Variants in SLC24A4 observed in about 807,000 individuals in gnomAD.
The protein encoded by SLC24A4 is solute carrier family 24 member 4, also known as sodium/potassium/calcium exchanger 4.
A neutral mutation model predicts 79.0 loss-of-function variants in SLC24A4; 53 were observed. That is an observed-to-expected ratio of 0.67 (90% CI 0.54 to 0.84). The LOEUF (loss-of-function observed/expected upper bound fraction) is 0.84. SLC24A4 is among the 40% of genes least tolerant of loss of function. The pLI is 0.00. For missense variants in SLC24A4, 731 were observed against 822.0 expected, an observed-to-expected ratio of 0.89 and a Z score of 1.35; for synonymous variants, 323 against 323.8, an observed-to-expected ratio of 1.00 and a Z score of 0.03.
At position 92,353,353 on chromosome 14, in the gene SLC24A4, G is replaced by A. The variant is rs1886993699; in HGVS notation, c.241+27375G>A. Among the ~76,000 whole-genome samples the A allele has an allele frequency of 6.6e-6, 1 of 152,210 alleles. No individual in the cohort carries two copies. Among genetic ancestry groups the A allele is most frequent in the South Asian group, 2.1e-4 (1 of 4,836 alleles). On this transcript the variant is annotated intron_variant, in intron 2 of 16. Coordinates refer to ENST00000532405, the MANE Select transcript of SLC24A4 (RefSeq NM_153646.4). The surrounding 1 kb of genome is among the most constrained non-coding windows in gnomAD (Gnocchi z 4.1). Reference sequence around the variant, plus strand: ...TCTATTTAACTCATTCCCTAATGATGTATATGCATTTAGTTTATTGTTGTA... The same window carrying A: ...TCTATTTAACTCATTCCCTAATGATATATATGCATTTAGTTTATTGTTGTA...
chr14:92,396,777 C>G (rs1032463998), intron 2 of SLC24A4, among the ~76,000 whole-genome samples: 1 of 152,164 alleles, frequency 6.6e-6, no homozygotes, highest in South Asian at 2.1e-4. Context: ...TAGTCCGCAT[C>G]CTTTTTGTGT....
chr14:92,379,041 A>G (rs1249828258), intron 2 of SLC24A4, among the ~76,000 whole-genome samples: 2 of 152,156 alleles, frequency 1.3e-5, no homozygotes, highest in Non-Finnish European at 2.9e-5. Context: ...CAGTCTGGAC[A>G]ACAGTGGGAG....
chr14:92,418,764 T>G (rs1392212210), intron 2 of SLC24A4, among the ~76,000 whole-genome samples: 1 of 152,172 alleles, frequency 6.6e-6, no homozygotes, highest in African/African-American at 2.4e-5. Flanking sequence ...TGCAGTGGCG[T>G]GATCTCGGCT....
At chr14:92,367,224 T>C (rs1021392052) in intron 2 of SLC24A4, among the ~76,000 whole-genome samples, 1 of 152,174 alleles carries the variant, frequency 6.6e-6, no homozygotes, top group Non-Finnish European at 1.5e-5. Context: ...CGGCCTGAGC[T>C]CTGCGCTGTT....
At chr14:92,443,718 G>A (rs957350536) in intron 7 of SLC24A4, among the ~76,000 whole-genome samples, 1 of 152,216 alleles carries the variant, frequency 6.6e-6, no homozygotes, top group Non-Finnish European at 1.5e-5. Context: ...ATAAATCTTT[G>A]TCTCAAACTG....
intron 2 of SLC24A4, among the ~76,000 whole-genome samples, chr14:92,376,199 T>A (rs1888491413): frequency 6.6e-6 from 1 of 152,174 alleles, no homozygotes; most frequent in Admixed American, 6.5e-5. Flanking sequence ...TGGCAAGCTT[T>A]GTGATGCTGG....
intron 2 of SLC24A4, among the ~76,000 whole-genome samples, chr14:92,366,743 TGAG>T (rs1887862260): frequency 6.6e-6 from 1 of 152,224 alleles, no homozygotes; most frequent in African/African-American, 2.4e-5. Flanking sequence ...GGCTGGATAA[TGAG>T]GAGCATGGGG....
chr14:92,423,009 C>T (rs1224868470), intron 2 of SLC24A4, among the ~76,000 whole-genome samples: 1 of 152,168 alleles, frequency 6.6e-6, no homozygotes. Context: ...CAGGCTTTTG[C>T]CATGTTGTCC....
intron 2 of SLC24A4, among the ~76,000 whole-genome samples, chr14:92,347,232 C>T (rs1202571058): frequency 6.6e-6 from 1 of 152,182 alleles, no homozygotes; most frequent in African/African-American, 2.4e-5. Context: ...GTAATACAAT[C>T]TTGATCCCAT....
At chr14:92,430,866 G>A (rs935732980) in intron 2 of SLC24A4, among the ~76,000 whole-genome samples, 14 of 152,188 alleles carry the variant, frequency 9.2e-5, no homozygotes, top group African/African-American at 2.9e-4. Flanking sequence ...GACCTCAAAA[G>A]CCGTGTGTAT....
intron 2 of SLC24A4, among the ~76,000 whole-genome samples, chr14:92,369,640 A>G (rs1386212176): frequency 6.6e-6 from 1 of 152,252 alleles, no homozygotes; most frequent in African/African-American, 2.4e-5. Context: ...GTCGACAGTC[A>G]TAATAGTGTG....
At position 92,461,378 on chromosome 14, in the gene SLC24A4, G is replaced by T. The variant is rs531632334; in HGVS notation, c.1255+4770G>T. Among the ~76,000 whole-genome samples the T allele has an allele frequency of 7.2e-5, 11 of 152,276 alleles. No individual in the cohort carries two copies. The East Asian group carries it at 1.7e-3, about 24-fold the overall frequency. On this transcript the variant is annotated intron_variant, in intron 12 of 16. Transcript: ENST00000532405. ...GTAATTCTTATATTAGTCAGCTCAG[G>T]CCGTCCTAACAGAATGTCACCGACG...
chr14:92,334,731 A>G (rs545169649), intron 2 of SLC24A4, among the ~76,000 whole-genome samples: 1 of 152,266 alleles, frequency 6.6e-6, no homozygotes, highest in African/African-American at 2.4e-5. Flanking sequence ...GACAAGTTAC[A>G]TAATCTTGCT....
chr14:92,339,290 C>T (rs111347594), intron 2 of SLC24A4, among the ~76,000 whole-genome samples: 2 of 152,078 alleles, frequency 1.3e-5, no homozygotes, highest in Admixed American at 6.5e-5. Flanking sequence ...GTTAAGTCCC[C>T]GATGTCAAAA....
At chr14:92,439,690 C>G (rs1892384111) in intron 4 of SLC24A4, among the ~76,000 whole-genome samples, 1 of 152,254 alleles carries the variant, frequency 6.6e-6, no homozygotes, top group Admixed American at 6.5e-5. Context: ...GCACTTGTGT[C>G]CAACCTGGCT....
intron 2 of SLC24A4, among the ~76,000 whole-genome samples, chr14:92,392,645 T>C (rs1330315490): frequency 1.3e-5 from 2 of 152,240 alleles, no homozygotes. Context: ...TGCCTTGCTA[T>C]GGTCTGAATG....
intron 2 of SLC24A4, among the ~76,000 whole-genome samples, chr14:92,385,264 C>T (rs373088718): frequency 1.3e-5 from 2 of 152,042 alleles, no homozygotes; most frequent in African/African-American, 2.4e-5. Context: ...CCCAGCACTT[C>T]GGGAGGCTGA....
At chr14:92,463,006 T>C (rs1357554350) in intron 12 of SLC24A4, among the ~76,000 whole-genome samples, 1 of 152,142 alleles carries the variant, frequency 6.6e-6, no homozygotes, top group Non-Finnish European at 1.5e-5. Context: ...GTGTGCAGGG[T>C]GCTAAATAAT....
At chr14:92,351,714 A>T (rs1002987966) in intron 2 of SLC24A4, among the ~76,000 whole-genome samples, 1 of 151,872 alleles carries the variant, frequency 6.6e-6, no homozygotes, top group African/African-American at 2.4e-5. Flanking sequence ...GAAAAAAAAA[A>T]TTACCCAGGT....
Sources: allele counts gnomAD v4.1 joint callset (sites outside exome capture counted in the v4.1 genomes callset), GRCh38; gene constraint gnomAD v4.1.1; non-coding constraint Gnocchi (gnomAD v3.1); transcripts MANE v1.5; gene names NCBI Gene and HGNC (gene_info 2026-07-23, HGNC 2026-07-21).